Variants in FAM149B1 observed in about 807,000 individuals in gnomAD.
FAM149B1 encodes primary cilium assembly protein FAM149B1.
FAM149B1 carries 56 observed loss-of-function variants against 75.3 expected under a neutral mutation model. That is an observed-to-expected ratio of 0.74 (90% CI 0.60 to 0.93). FAM149B1 has a LOEUF of 0.93. FAM149B1 is among the 40% of genes least tolerant of loss of function. The pLI is 0.00. For missense variants in FAM149B1, 639 were observed against 708.4 expected, an observed-to-expected ratio of 0.90 and a Z score of 1.11; for synonymous variants, 259 against 256.1, an observed-to-expected ratio of 1.01 and a Z score of -0.11.
intron 12 of FAM149B1, among the ~76,000 whole-genome samples, chr10:73,237,085 T>A (rs1317934178): frequency 6.6e-6 from 1 of 152,144 alleles, no homozygotes; most frequent in Non-Finnish European, 1.5e-5. Context: ...AAGATACCAG[T>A]CGCTGAATTT....
intron 1 of FAM149B1, 114 bp downstream of exon 1, chr10:73,168,500 C>T (rs1445679134): frequency 4.7e-6 from 6 of 1,266,422 alleles, no homozygotes; most frequent in African/African-American, 3.1e-5. Context: ...GATTTTTCTT[C>T]GGAATTCTCT....
rs768286940 is a variant in FAM149B1, at chr10:73,242,519, A to G, written c.*1500A>G. On this transcript the variant is annotated 3_prime_UTR_variant, in exon 14 of 14. Coordinates refer to ENST00000242505, the MANE Select transcript of FAM149B1 (RefSeq NM_173348.2). ...TTTTTTTTTAACCAAAAAACTGGAC[A>G]TGTTTAATACATACAGTTTGACAAA... is the stretch of plus-strand genomic sequence containing the variant. 2.0e-5 allele frequency: 3 copies of G among 152,136 alleles called. No homozygotes were observed. The highest frequency in any genetic ancestry group is 3.9e-4 in the East Asian group (2 of 5,188). The allele number at this position is 152,136 out of a possible 1,614,324, so 9.4% of individuals were successfully genotyped here.
chr10:73,216,968 C>CT lies in FAM149B1; in HGVS notation c.898+6531dup, dbSNP rs142530987. Among the ~76,000 whole-genome samples, 528 of 152,348 alleles carry CT rather than the reference C, an allele frequency of 3.5e-3. 1 individual carries two copies. Among genetic ancestry groups the CT allele is most frequent in the Middle Eastern group, 0.01 (3 of 292 alleles). Reference sequence around the variant, plus strand: ...CCCTGCCTCCTGCCCTTGCCTATCTCTGCATCTCCAAAGTGATTATCACAA... The same window carrying CT: ...CCCTGCCTCCTGCCCTTGCCTATCTCTTGCATCTCCAAAGTGATTATCACAA... On this transcript the variant is annotated intron_variant, in intron 7 of 13. Coordinates refer to ENST00000242505, the MANE Select transcript of FAM149B1 (RefSeq NM_173348.2).
chr10:73,231,925 T>TAAAA (rs10693492), intron 9 of FAM149B1, among the ~76,000 whole-genome samples: 1,878 of 142,034 alleles, frequency 0.013, 31 homozygotes, highest in African/African-American at 0.041. Context: ...TAGGGTGTGT[T>TAAAA]AAAAAAAAAA....
intron 1 of FAM149B1, among the ~76,000 whole-genome samples, chr10:73,170,153 A>C (rs1485110014): frequency 2.6e-5 from 4 of 152,168 alleles, no homozygotes; most frequent in African/African-American, 9.7e-5. Flanking sequence ...CTTTTAGGCA[A>C]ATTACTACAT....
At chr10:73,239,583 C>T (rs2043897179) in intron 13 of FAM149B1, among the ~76,000 whole-genome samples, 199 bp downstream of exon 13, 1 of 151,420 alleles carries the variant, frequency 6.6e-6, no homozygotes, top group African/African-American at 2.4e-5. Flanking sequence ...TTGCTCAGAG[C>T]CAAAAAGTTT....
chr10:73,176,388 G>A (rs1355147119), intron 2 of FAM149B1, among the ~76,000 whole-genome samples: 1 of 152,176 alleles, frequency 6.6e-6, no homozygotes, highest in Non-Finnish European at 1.5e-5. Context: ...CTGTGACCCC[G>A]GGGTTCGGGA....
At chr10:73,239,097 G>C (rs2043887431) in intron 12 of FAM149B1, 1 of 494,626 alleles carries the variant, frequency 2.0e-6, no homozygotes, top group Non-Finnish European at 3.6e-6. Flanking sequence ...TAATATTGAA[G>C]AATCTGCAAT....
At chr10:73,218,033 C>T (rs2043334194) in intron 7 of FAM149B1, among the ~76,000 whole-genome samples, 1 of 152,206 alleles carries the variant, frequency 6.6e-6, no homozygotes, top group South Asian at 2.1e-4. Flanking sequence ...CAATTTCTCT[C>T]CATCTGTAGA....
At chr10:73,201,138 G>T in intron 5 of FAM149B1, 1 of 273,902 alleles carries the variant, frequency 3.7e-6, no homozygotes, top group South Asian at 5.2e-5. Context: ...CTTTGTTACT[G>T]AGGAAGGCAA....
intron 12 of FAM149B1, 77 bp from the exon 13 acceptor site, chr10:73,239,235 G>T (rs2271911): frequency 0.086 from 106,478 of 1,242,254 alleles, 6,943 homozygotes; most frequent in East Asian, 0.29. Flanking sequence ...ATTTCAAGGT[G>T]TTCCTGTGAA....
At chr10:73,240,713 C>T (rs74374786) in intron 13 of FAM149B1, among the ~76,000 whole-genome samples, 1 of 146,198 alleles carries the variant, frequency 6.8e-6, no homozygotes, top group African/African-American at 2.6e-5. Flanking sequence ...GACTCCACCT[C>T]CAAAAAAAAA....
At chr10:73,210,495 A>T (rs2043163830) in intron 7 of FAM149B1, 57 bp downstream of exon 7, 6 of 1,264,542 alleles carry the variant, frequency 4.7e-6, no homozygotes, top group Non-Finnish European at 6.6e-6. Flanking sequence ...TCTAAACCCT[A>T]ACCAGTCTAT....
intron 5 of FAM149B1, among the ~76,000 whole-genome samples, chr10:73,195,941 C>G (rs576750920): frequency 3.1e-4 from 47 of 152,284 alleles, no homozygotes; most frequent in African/African-American, 1.1e-3. Flanking sequence ...ATATTTACTT[C>G]TTTAATGTAA....
chr10:73,239,390 G>C lies in FAM149B1; in HGVS notation c.1675+6G>C. On this transcript the variant is annotated splice_donor_region_variant and intron_variant, in intron 13 of 13. Coordinates refer to ENST00000242505, the MANE Select transcript of FAM149B1 (RefSeq NM_173348.2). Reference sequence around the variant, plus strand: ...ACCTGGCAGGGGATCTGCAGGTAAAGGTGGGGCCATGGCCCTTATTTACTA... The same window carrying C: ...ACCTGGCAGGGGATCTGCAGGTAAACGTGGGGCCATGGCCCTTATTTACTA... 6.4e-7 allele frequency: 1 copy of C among 1,550,890 alleles called. No homozygotes were observed. The highest frequency in any genetic ancestry group is 2.4e-5 in the East Asian group (1 of 40,926).
chr10:73,198,108 A>G (rs1252201141), intron 5 of FAM149B1, among the ~76,000 whole-genome samples: 1 of 152,222 alleles, frequency 6.6e-6, no homozygotes, highest in African/African-American at 2.4e-5. Context: ...ACCTGGGTAA[A>G]GGACAGTCTC....
At chr10:73,195,177 A>AT (rs2042773999) in intron 5 of FAM149B1, among the ~76,000 whole-genome samples, 1 of 152,140 alleles carries the variant, frequency 6.6e-6, no homozygotes, top group Admixed American at 6.6e-5. Context: ...TACTTATTTG[A>AT]TACCTTCCAA....
chr10:73,215,320 C>T (rs920285957), intron 7 of FAM149B1, among the ~76,000 whole-genome samples: 9 of 152,038 alleles, frequency 5.9e-5, no homozygotes, highest in Admixed American at 2.6e-4. Flanking sequence ...CTACCATGCT[C>T]GGCTTTGTTT....
chr10:73,193,249 A>AT (rs1005734658), intron 4 of FAM149B1, among the ~76,000 whole-genome samples: 54 of 147,628 alleles, frequency 3.7e-4, no homozygotes, highest in East Asian at 1.4e-3. Flanking sequence ...GATTTCTTGT[A>AT]TTTTTTTTTT....
Sources: gnomAD v4.1 joint callset for allele counts (sites outside exome capture counted in the v4.1 genomes callset) on GRCh38, gnomAD v4.1.1 for gene constraint, MANE v1.5 for transcripts, NCBI Gene and HGNC (gene_info 2026-07-23, HGNC 2026-07-21) for gene names.